AGBL4: variants seen among roughly 807,000 people sequenced by gnomAD.
AGBL4 encodes the protein cytosolic carboxypeptidase 6.
AGBL4 carries 58 observed loss-of-function variants against 66.4 expected under a neutral mutation model. That is an observed-to-expected ratio of 0.87 (90% CI 0.71 to 1.09). The LOEUF is 1.09. Among genes scored for constraint, AGBL4 ranks in the 50% least tolerant of loss-of-function variants. The probability of loss-of-function intolerance (pLI) is 0.00; values close to 1 mark genes in which losing one functional copy is unlikely to be tolerated. For missense variants in AGBL4, 579 were observed against 631.0 expected (o/e 0.92, Z 0.88); for synonymous variants, 234 against 222.9 (o/e 1.05, Z -0.44).
At chr1:49,860,484 G>T (rs1323672181) in intron 1 of AGBL4, among the ~76,000 whole-genome samples, 1 of 152,238 alleles carries the variant, frequency 6.6e-6, no homozygotes, top group Non-Finnish European at 1.5e-5. Flanking sequence ...AATCGCTTCA[G>T]CCCAGAAGTT....
At chr1:49,650,995 G>T (rs1362139447) in intron 3 of AGBL4, among the ~76,000 whole-genome samples, 1 of 152,122 alleles carries the variant, frequency 6.6e-6, no homozygotes, top group African/African-American at 2.4e-5. Context: ...CAGGGCATGG[G>T]CCATCTGCCC....
intron 1 of AGBL4, among the ~76,000 whole-genome samples, chr1:49,861,421 C>A (rs1265463667): frequency 6.6e-6 from 1 of 152,020 alleles, no homozygotes; most frequent in African/African-American, 2.4e-5. Context: ...CTTTGTCGTA[C>A]ATCTTGGACA....
At chr1:49,878,494 T>G (rs947931336) in intron 1 of AGBL4, among the ~76,000 whole-genome samples, 1 of 152,092 alleles carries the variant, frequency 6.6e-6, no homozygotes, top group Admixed American at 6.6e-5. Flanking sequence ...TAATTCTGAG[T>G]TCTACTTTGA....
intron 5 of AGBL4, among the ~76,000 whole-genome samples, chr1:48,994,598 C>T (rs531617042): frequency 2.1e-3 from 318 of 152,084 alleles, no homozygotes; most frequent in Middle Eastern, 0.01. Flanking sequence ...ATATTACTGC[C>T]CCAAGAAACT....
At chr1:48,968,014 C>T (rs1658586043) in intron 5 of AGBL4, among the ~76,000 whole-genome samples, 1 of 151,854 alleles carries the variant, frequency 6.6e-6, no homozygotes, top group South Asian at 2.1e-4. Context: ...TCTTGTTTGT[C>T]TTGATGGCCT....
At chr1:48,822,767 T>C (rs1423771775) in intron 6 of AGBL4, among the ~76,000 whole-genome samples, 1 of 152,234 alleles carries the variant, frequency 6.6e-6, no homozygotes, top group Non-Finnish European at 1.5e-5. Context: ...TCTTCATAAT[T>C]GCATGGCCCA....
At chr1:48,631,067 T>A (rs1241840168) in intron 9 of AGBL4, among the ~76,000 whole-genome samples, 3 of 152,158 alleles carry the variant, frequency 2.0e-5, no homozygotes, top group Non-Finnish European at 4.4e-5. Context: ...ACAGTTGATA[T>A]TGGAGGGTCT....
chr1:49,716,031 C>T (rs1383149483), intron 2 of AGBL4, among the ~76,000 whole-genome samples: 1 of 152,080 alleles, frequency 6.6e-6, no homozygotes, highest in Non-Finnish European at 1.5e-5. Flanking sequence ...TTGCCCATGC[C>T]TATCTCTTGA....
At chr1:49,122,558 T>G (rs137882578) in intron 4 of AGBL4, among the ~76,000 whole-genome samples, 2 of 152,284 alleles carry the variant, frequency 1.3e-5, no homozygotes, top group Admixed American at 1.3e-4. Flanking sequence ...AAAATAATAC[T>G]AATCAATTTA....
chr1:49,675,901 T>C (rs567080659), intron 3 of AGBL4, among the ~76,000 whole-genome samples: 1 of 152,108 alleles, frequency 6.6e-6, no homozygotes, highest in Non-Finnish European at 1.5e-5. Context: ...AAAGTTCTAC[T>C]GCAAATTAGT....
chr1:49,836,562 T>G (rs1645855016), intron 2 of AGBL4, among the ~76,000 whole-genome samples: 1 of 152,220 alleles, frequency 6.6e-6, no homozygotes, highest in Non-Finnish European at 1.5e-5. Context: ...ACCCACCTTC[T>G]GAAGCCTACT....
intron 2 of AGBL4, among the ~76,000 whole-genome samples, chr1:49,806,356 T>C (rs1455787809): frequency 6.6e-6 from 1 of 152,228 alleles, no homozygotes; most frequent in Non-Finnish European, 1.5e-5. Context: ...TGTCCTAGTA[T>C]TTTGTTGAAG....
At chr1:48,554,890 C>T (rs1644298662) in intron 11 of AGBL4, among the ~76,000 whole-genome samples, 1 of 152,118 alleles carries the variant, frequency 6.6e-6, no homozygotes, top group African/African-American at 2.4e-5. Flanking sequence ...TATTTTTATG[C>T]TATAATTCTT....
chr1:48,524,013 A>G, the AGBL4 span, among the ~76,000 whole-genome samples: 3 of 152,356 alleles, frequency 2.0e-5, no homozygotes, highest in African/African-American at 7.2e-5. Context: ...TTATAATCTT[A>G]TGGGACCACT....
chr1:49,374,712 T>C (rs1302505399), intron 3 of AGBL4, among the ~76,000 whole-genome samples: 2 of 152,126 alleles, frequency 1.3e-5, no homozygotes, highest in African/African-American at 4.8e-5. Context: ...AGATTTCCTA[T>C]ATATTGCTTA....
chr1:48,756,611 T>C (rs928758463), intron 6 of AGBL4, among the ~76,000 whole-genome samples: 6 of 152,152 alleles, frequency 3.9e-5, no homozygotes, highest in East Asian at 1.9e-4. Flanking sequence ...AGTAGGGAAG[T>C]TGGGATTTGA....
intron 2 of AGBL4, among the ~76,000 whole-genome samples, chr1:49,814,768 T>C (rs2147978314): frequency 6.6e-6 from 1 of 152,288 alleles, no homozygotes; most frequent in South Asian, 2.1e-4. Flanking sequence ...CTAGGTCTAG[T>C]GCTACCAAGA....
chr1:49,935,050 GC>G (rs957416978), intron 1 of AGBL4, among the ~76,000 whole-genome samples: 3 of 152,234 alleles, frequency 2.0e-5, no homozygotes, highest in African/African-American at 7.2e-5. Flanking sequence ...CTCGGGAAGT[GC>G]AAGGGGTCAG....
intron 8 of AGBL4, among the ~76,000 whole-genome samples, chr1:48,641,002 C>A (rs1272007172): frequency 6.6e-6 from 1 of 152,078 alleles, no homozygotes; most frequent in Non-Finnish European, 1.5e-5. Flanking sequence ...GGCTCCAGAT[C>A]AATCTTGCCC....
Sources: gnomAD v4.1 joint callset for allele counts (sites outside exome capture counted in the v4.1 genomes callset) on GRCh38, gnomAD v4.1.1 for gene constraint, MANE v1.5 for transcripts, NCBI Gene and HGNC (gene_info 2026-07-23, HGNC 2026-07-21) for gene names.